MYH14: variants seen among roughly 807,000 people sequenced by gnomAD.
The protein encoded by MYH14 is myosin heavy chain 14, also known as myosin-14.
Under a neutral mutation model 255.5 loss-of-function variants are expected in MYH14, and 123 were observed. That is an observed-to-expected ratio of 0.48 (90% CI 0.42 to 0.56). The LOEUF (loss-of-function observed/expected upper bound fraction) is 0.56, where lower values mean the gene tolerates loss of function less well. Among genes scored for constraint, MYH14 ranks in the 20% least tolerant of loss-of-function variants. MYH14 has a pLI of 0.00. For synonymous variants in MYH14, 1,095 were observed against 1,161.2 expected (o/e 0.94, Z 1.16); for missense variants, 2,423 against 2,802.3 (o/e 0.86, Z 3.06).
Position 50,230,733 on chromosome 19 carries a change from A to G in MYH14, c.973+110A>G, listed in dbSNP as rs2033337277. 6 of 881,414 alleles carry G rather than the reference A, an allele frequency of 6.8e-6. No homozygotes were observed. Among genetic ancestry groups the G allele is most frequent in the African/African-American group, 3.4e-5 (2 of 59,530 alleles). 54.6% of individuals were successfully genotyped at this position (881,414 alleles called of 1,614,324 possible). A position where few individuals can be genotyped will look rare whatever the true frequency, so the allele number is the denominator to read the frequency against. ...GAGTGGGGGGCTCTAATATCCGTCAAACACCGACTTCGCATGAGGCTCCCG... is the reference window on the plus strand; with the variant it reads ...GAGTGGGGGGCTCTAATATCCGTCAGACACCGACTTCGCATGAGGCTCCCG... On this transcript the variant is annotated intron_variant, in intron 9 of 42. Coordinates refer to ENST00000642316, the MANE Select transcript of MYH14 (RefSeq NM_001145809.2). The surrounding 1 kb of genome is among the most constrained non-coding windows in gnomAD (Gnocchi z 4.7).
At chr19:50,227,605 G>A (rs2033172488) in intron 8 of MYH14, among the ~76,000 whole-genome samples, 1 of 152,158 alleles carries the variant, frequency 6.6e-6, no homozygotes, top group South Asian at 2.1e-4. Flanking sequence ...CGAAATCCAG[G>A]TGCCCAGACG....
At chr19:50,259,373 C>A in intron 19 of MYH14, 108 bp downstream of exon 19, 1 of 1,413,922 alleles carries the variant, frequency 7.1e-7, no homozygotes, top group Non-Finnish European at 9.6e-7. Flanking sequence ...TCCTTCTGCG[C>A]TGGGGAAGTT....
chr19:50,249,353 C>A, intron 13 of MYH14: 1 of 654,488 alleles, frequency 1.5e-6, no homozygotes, highest in East Asian at 2.8e-5. Flanking sequence ...GGTCTCTGTC[C>A]CCTGTCTCTG....
intron 3 of MYH14, among the ~76,000 whole-genome samples, chr19:50,218,414 G>C (rs2032610008): frequency 6.6e-6 from 1 of 151,640 alleles, no homozygotes. Context: ...GGCTAACACG[G>C]TGAAACCCCG....
At chr19:50,264,653 C>T (rs1316410457) in intron 22 of MYH14, among the ~76,000 whole-genome samples, 2 of 152,214 alleles carry the variant, frequency 1.3e-5, no homozygotes, top group African/African-American at 4.8e-5. Context: ...AGAGGCTTTC[C>T]ACACAGGGGC....
chr19:50,299,927 A>G (rs1292131727), intron 39 of MYH14, among the ~76,000 whole-genome samples: 2 of 152,220 alleles, frequency 1.3e-5, no homozygotes, highest in African/African-American at 4.8e-5. Flanking sequence ...CCTGGGTGAC[A>G]GAGTGAGACT....
In MYH14 at chr19:50,293,645, C is replaced by T. The variant is rs367824312; in HGVS notation, c.5427C>T (p.Asn1809=). The T allele has an allele frequency of 1.2e-6, 2 of 1,608,210 alleles. No individual in the cohort carries two copies. Among genetic ancestry groups the T allele is most frequent in the Non-Finnish European group, 1.7e-6 (2 of 1,177,242 alleles). The stretch of plus-strand genomic sequence containing the variant: ...AAGAGCTGGAGGAGGAGCAGAGCAA[C>T]TCGGAGCTGCTCAATGACCGCTACC... ...LEEELEEEQS[N]SELLNDRYRK... is the part of the protein sequence containing the mutation. The change falls in exon 39 of 43, where the codon AAC becomes AAT. Residue 1809 remains asparagine (N), a synonymous_variant. Coordinates refer to ENST00000642316, the MANE Select transcript of MYH14 (RefSeq NM_001145809.2). The surrounding 1 kb of genome is among the most constrained non-coding windows in gnomAD (Gnocchi z 4.1).
At chr19:50,243,817 T>C (rs533310749) in intron 10 of MYH14, among the ~76,000 whole-genome samples, 2 of 152,302 alleles carry the variant, frequency 1.3e-5, no homozygotes, top group South Asian at 4.1e-4. Flanking sequence ...TTTCCCTAAG[T>C]CCTTTTAAAT....
At chr19:50,239,309 G>A (rs536809992) in intron 10 of MYH14, among the ~76,000 whole-genome samples, 16 of 152,126 alleles carry the variant, frequency 1.1e-4, no homozygotes, top group African/African-American at 3.4e-4. Flanking sequence ...GTGAGCCACC[G>A]TGCCCAGCCC....
chr19:50,240,715 C>A (rs533909827), intron 10 of MYH14, among the ~76,000 whole-genome samples: 7 of 151,858 alleles, frequency 4.6e-5, no homozygotes, highest in African/African-American at 1.4e-4. Context: ...GTGAGGAGGA[C>A]TTCTTGAGGC....
At chr19:50,269,065 T>G (rs2035200963) in intron 24 of MYH14, among the ~76,000 whole-genome samples, 1 of 152,256 alleles carries the variant, frequency 6.6e-6, no homozygotes, top group East Asian at 1.9e-4. Flanking sequence ...CTTAAAAGCT[T>G]TTCAGTGATT....
In MYH14 at chr19:50,301,674, C is replaced by T. The variant is rs1371955270; in HGVS notation, c.5483C>T (p.Thr1828Ile). 1.9e-6 allele frequency: 3 copies of T among 1,613,508 alleles called. No homozygotes were observed. The highest frequency in any genetic ancestry group is 1.7e-4 in the Middle Eastern group (1 of 5,998). The change falls in exon 40 of 43, where the codon ACC becomes ATC. Residue 1828 changes from threonine (T) to isoleucine (I), a missense_variant. Thr to Ile is a moderately conservative substitution (Grantham distance 89). Transcript: ENST00000642316. ...CTCCTGCTACAGGTAGAGTCACTGA[C>T]CACAGAGCTGTCAGCTGAGCGCAGT... ...RKLLLQVESL[T>I]TELSAERSFS...
chr19:50,219,854 AT>A (rs1226340441), intron 3 of MYH14, among the ~76,000 whole-genome samples: 1 of 152,128 alleles, frequency 6.6e-6, no homozygotes, highest in South Asian at 2.1e-4. Flanking sequence ...GATATTTAGT[AT>A]TTTTTGTTTA....
intron 10 of MYH14, among the ~76,000 whole-genome samples, chr19:50,237,984 G>C (rs2033734645): frequency 6.6e-6 from 1 of 152,152 alleles, no homozygotes; most frequent in Non-Finnish European, 1.5e-5. Flanking sequence ...GATCCAGAGA[G>C]AGAGGTGGAC....
chr19:50,291,920 G>C (rs2036088644), intron 36 of MYH14, among the ~76,000 whole-genome samples: 1 of 152,174 alleles, frequency 6.6e-6, no homozygotes, highest in South Asian at 2.1e-4. Context: ...CTGAGGCTCA[G>C]AGAGGGGCAG....
intron 39 of MYH14, among the ~76,000 whole-genome samples, chr19:50,295,040 G>T (rs1186369462): frequency 1.3e-5 from 2 of 150,262 alleles, no homozygotes; most frequent in African/African-American, 2.5e-5. Context: ...AACAGGCCAG[G>T]TGTGGCCGGG....
At chr19:50,309,525 T>C (rs1408891345) in intron 42 of MYH14, 115 bp from the exon 43 acceptor site, 1 of 723,546 alleles carries the variant, frequency 1.4e-6, no homozygotes, top group East Asian at 2.9e-5. Flanking sequence ...CCTTATTTTG[T>C]TCTCTCTCTT....
chr19:50,219,118 A>G (rs67804658), intron 3 of MYH14, among the ~76,000 whole-genome samples: 63,506 of 134,378 alleles, frequency 0.47, 17,484 homozygotes, highest in Non-Finnish European at 0.62. Context: ...TGGGATATAT[A>G]TGTGTGTGTG....
rs1259985487 is a variant in MYH14 at position 50,249,765 on chromosome 19, G to C, written c.1598G>C (p.Trp533Ser). 1 of 1,614,112 alleles carries C rather than the reference G, an allele frequency of 6.2e-7. No individual in the cohort carries two copies. Among genetic ancestry groups the C allele is most frequent in the African/African-American group, 1.3e-5 (1 of 74,940 alleles). ...QEEYQREGIP[W>S]TFLDFGLDLQ... ...GAGTACCAGCGTGAGGGCATCCCCT[G>C]GACCTTCCTCGACTTTGGCCTCGAC... is the stretch of plus-strand genomic sequence containing the variant. The change falls in exon 14 of 43, where the codon TGG becomes TCG. Residue 533 changes from tryptophan (W) to serine (S), a missense_variant. Around this residue, in one of 3 missense-constraint regions of MYH14, gnomAD observed 672 missense variants for 881.8 expected, o/e 0.76. Coordinates refer to ENST00000642316, the MANE Select transcript of MYH14 (RefSeq NM_001145809.2).
Sources: gnomAD v4.1 joint callset for allele counts (sites outside exome capture counted in the v4.1 genomes callset) on GRCh38, gnomAD v4.1.1 for gene constraint, gnomAD v4.1.1 regional missense constraint, Gnocchi (gnomAD v3.1) non-coding constraint, MANE v1.5 for transcripts, NCBI Gene and HGNC (gene_info 2026-07-23, HGNC 2026-07-21) for gene names.